The following UBASH3B variants were observed in gnomAD, a reference collection of about 807,000 sequenced individuals.
The protein encoded by UBASH3B is ubiquitin-associated and SH3 domain-containing protein B.
A neutral mutation model predicts 83.4 loss-of-function variants in UBASH3B; 37 were observed. The observed-to-expected ratio is 0.44, with a 90% CI of 0.34 to 0.58. UBASH3B has a LOEUF of 0.58. UBASH3B is among the 20% of genes least tolerant of loss of function. The pLI, the probability that UBASH3B is intolerant of heterozygous loss-of-function variation, is 0.01. For missense variants in UBASH3B, 657 were observed against 827.2 expected, an observed-to-expected ratio of 0.79 and a Z score of 2.52; for synonymous variants, 304 against 318.3, an observed-to-expected ratio of 0.96 and a Z score of 0.48.
rs1044962663 is a variant in UBASH3B, at chr11:122,814,002, A to T, written c.*4116A>T. 2.6e-5 allele frequency: 4 copies of T among 152,526 alleles called. No individual in the cohort carries two copies. The highest frequency in any genetic ancestry group is 4.8e-5 in the African/African-American group (2 of 41,454). The allele number at this position is 152,526 out of a possible 1,614,324, so 9.4% of individuals were successfully genotyped here. A position where few individuals can be genotyped will look rare whatever the true frequency, so the allele number is the denominator to read the frequency against. Reference sequence around the variant, plus strand: ...TAATATACAATCAGTTCTTGCAAATACTTTACACTTAGCTGCCATTACACA... The same window carrying T: ...TAATATACAATCAGTTCTTGCAAATTCTTTACACTTAGCTGCCATTACACA... On this transcript the variant is annotated 3_prime_UTR_variant, in exon 14 of 14. Transcript: ENST00000284273.
Position 122,656,060 on chromosome 11 carries a change from A to G in UBASH3B, c.11A>G (p.Tyr4Cys), listed in dbSNP as rs1863355546. The G allele has an allele frequency of 1.3e-6, 2 of 1,595,362 alleles. No individual in the cohort carries two copies. The highest frequency in any genetic ancestry group is 1.4e-5 in the African/African-American group (1 of 73,472). Residue 4 changes from tyrosine to cysteine, a missense_variant, in exon 1 of 14, where the codon TAC becomes TGC. This residue lies in a region of UBASH3B where 78 missense variants were observed against 68.4 expected (regional missense o/e 1.14). Coordinates refer to ENST00000284273, the MANE Select transcript of UBASH3B (RefSeq NM_032873.5). MAQ[Y>C]GHPSPLGMAA... Reference sequence around the variant, plus strand: ...GCTGGCCGCTGAGCCATGGCTCAGTACGGCCACCCCAGTCCGCTCGGCATG... The same window carrying G: ...GCTGGCCGCTGAGCCATGGCTCAGTGCGGCCACCCCAGTCCGCTCGGCATG...
At chr11:122,690,175 T>TCCA (rs1411888203) in intron 1 of UBASH3B, among the ~76,000 whole-genome samples, 2 of 28,164 alleles carry the variant, frequency 7.1e-5, no homozygotes, top group African/African-American at 9.1e-5. Context: ...AACATATATA[T>TCCA]ATATATATAT....
At chr11:122,681,851 G>A (rs1350903445) in intron 1 of UBASH3B, among the ~76,000 whole-genome samples, 1 of 152,190 alleles carries the variant, frequency 6.6e-6, no homozygotes, top group Admixed American at 6.5e-5. Flanking sequence ...GGGACACAAA[G>A]AGACAAGTCA....
intron 1 of UBASH3B, among the ~76,000 whole-genome samples, chr11:122,668,918 G>A (rs988134960): frequency 2.6e-5 from 4 of 152,140 alleles, no homozygotes; most frequent in African/African-American, 4.8e-5. Context: ...TTCCGTCAGC[G>A]TGAGGAACAG....
At chr11:122,746,576 G>A (rs1284242512) in intron 1 of UBASH3B, among the ~76,000 whole-genome samples, 2 of 152,190 alleles carry the variant, frequency 1.3e-5, no homozygotes, top group African/African-American at 4.8e-5. Flanking sequence ...GGAGAAGAAT[G>A]CTTCCAATGT....
chr11:122,700,615 G>A (rs1202699981), intron 1 of UBASH3B, among the ~76,000 whole-genome samples: 2 of 149,784 alleles, frequency 1.3e-5, no homozygotes, highest in Non-Finnish European at 3.0e-5. Flanking sequence ...TCCTGCCTCA[G>A]CCTCCCCAGT....
At chr11:122,694,546 G>A (rs764319302) in intron 1 of UBASH3B, among the ~76,000 whole-genome samples, 1 of 151,956 alleles carries the variant, frequency 6.6e-6, no homozygotes, top group African/African-American at 2.4e-5. Flanking sequence ...AGTCCAGTCT[G>A]GGCAATATAG....
chr11:122,658,849 T>C (rs1164971278), intron 1 of UBASH3B, among the ~76,000 whole-genome samples: 2 of 152,206 alleles, frequency 1.3e-5, no homozygotes, highest in Admixed American at 6.5e-5. Flanking sequence ...ACAAACTGAG[T>C]GGCTTAGAAC....
intron 1 of UBASH3B, among the ~76,000 whole-genome samples, chr11:122,673,817 T>C (rs1863631870): frequency 6.6e-6 from 1 of 152,218 alleles, no homozygotes; most frequent in Middle Eastern, 3.2e-3. Flanking sequence ...ATTTTCTACT[T>C]TAAAAGAAAA....
intron 12 of UBASH3B, among the ~76,000 whole-genome samples, chr11:122,807,603 C>T (rs529597733): frequency 1.7e-4 from 26 of 152,052 alleles, no homozygotes; most frequent in Admixed American, 6.6e-4. Context: ...CAGGCTGGAG[C>T]GCAGTGATGC....
At position 122,779,704 on chromosome 11, in the gene UBASH3B, A is replaced by G; in HGVS notation, c.601+9A>G. ...GGCTGCATCCAAAACCGGTGAGCAA[A>G]CAGCTGCCAGGCCAGCCCTGGGCCC... is the stretch of plus-strand genomic sequence containing the variant. On this transcript the variant is annotated intron_variant, in intron 4 of 13. Coordinates refer to ENST00000284273, the MANE Select transcript of UBASH3B (RefSeq NM_032873.5). The G allele has an allele frequency of 6.2e-7, 1 of 1,614,158 alleles. No individual in the cohort carries two copies.
intron 1 of UBASH3B, among the ~76,000 whole-genome samples, chr11:122,690,270 A>C (rs1042569822): frequency 1.1e-4 from 15 of 136,064 alleles, no homozygotes; most frequent in East Asian, 2.1e-4. Context: ...ATATATATAT[A>C]TCTCCAATTA....
chr11:122,686,714 C>T (rs890759593), intron 1 of UBASH3B, among the ~76,000 whole-genome samples: 2 of 152,082 alleles, frequency 1.3e-5, no homozygotes, highest in Admixed American at 6.6e-5. Flanking sequence ...CCACAAATGC[C>T]TTAGTGAAAT....
At chr11:122,657,360 A>G (rs773809172) in intron 1 of UBASH3B, among the ~76,000 whole-genome samples, 8 of 151,972 alleles carry the variant, frequency 5.3e-5, no homozygotes, top group Admixed American at 1.3e-4. Flanking sequence ...CAGTGGCGCA[A>G]TCTCTGTAAC....
intron 1 of UBASH3B, chr11:122,774,039 C>T: frequency 1.0e-6 from 1 of 984,766 alleles, no homozygotes; most frequent in Non-Finnish European, 1.2e-6. Context: ...TTGTTTTGTG[C>T]ATACACGGCT....
At chr11:122,757,324 G>A (rs984188193) in intron 1 of UBASH3B, among the ~76,000 whole-genome samples, 1 of 152,118 alleles carries the variant, frequency 6.6e-6, no homozygotes, top group Non-Finnish European at 1.5e-5. Context: ...TCTTTTCACT[G>A]TGTGAGGCTA....
intron 1 of UBASH3B, among the ~76,000 whole-genome samples, chr11:122,769,265 G>T (rs184417084): frequency 2.0e-5 from 3 of 152,094 alleles, no homozygotes; most frequent in Non-Finnish European, 4.4e-5. Context: ...ACCAGCTCCC[G>T]TGAAAACAAA....
At chr11:122,670,199 G>A (rs948415839) in intron 1 of UBASH3B, among the ~76,000 whole-genome samples, 13 of 148,172 alleles carry the variant, frequency 8.8e-5, no homozygotes, top group South Asian at 4.3e-4. Context: ...GTGTGTGTGT[G>A]TATATACACT....
intron 1 of UBASH3B, among the ~76,000 whole-genome samples, chr11:122,684,019 A>T (rs2135912115): frequency 1.3e-5 from 2 of 152,300 alleles, no homozygotes; most frequent in South Asian, 4.1e-4. Flanking sequence ...ATTAGTTTTT[A>T]ATATAGATCT....
Sources: allele counts gnomAD v4.1 joint callset (sites outside exome capture counted in the v4.1 genomes callset), GRCh38; gene constraint gnomAD v4.1.1; regional missense constraint gnomAD v4.1.1; transcripts MANE v1.5; gene names NCBI Gene and HGNC (gene_info 2026-07-23, HGNC 2026-07-21).